GPR179: variants seen among roughly 807,000 people sequenced by gnomAD.
GPR179 encodes probable G protein-coupled receptor 179.
In GPR179, 52 loss-of-function variants were observed where a neutral mutation model predicts 70.8. The observed-to-expected ratio is 0.73, with a 90% CI of 0.59 to 0.93. The LOEUF is 0.93. Among genes scored for constraint, GPR179 ranks in the 40% least tolerant of loss-of-function variants. The probability of loss-of-function intolerance (pLI) is 0.00; values close to 1 mark genes in which losing one functional copy is unlikely to be tolerated. For synonymous variants in GPR179, 1,123 were observed against 1,169.0 expected (o/e 0.96, Z 0.80); for missense variants, 2,734 against 2,966.8 (o/e 0.92, Z 1.82).
intron 6 of GPR179, 25 bp from the exon 7 acceptor site, chr17:38,335,296 T>C (rs768051190): frequency 1.3e-5 from 19 of 1,519,642 alleles, no homozygotes; most frequent in Non-Finnish European, 1.6e-5. Flanking sequence ...ATACACAGGG[T>C]GGATGGCAGG....
rs1402479846 is a variant in GPR179 at position 38,335,686 on chromosome 17, G to A, written c.1311C>T (p.Tyr437=). Residue 437 remains tyrosine, a synonymous_variant, in exon 6 of 11, where the codon TAC becomes TAT. Transcript: ENST00000616987. ...TGCAGCGGAATACACTGGGCTTGAAGTATAGGATGAAGACCTGGTGGGAAG... is the reference window on the plus strand; with the variant it reads ...TGCAGCGGAATACACTGGGCTTGAAATATAGGATGAAGACCTGGTGGGAAG... ...LLLYFPVFIL[Y]FKPSVFRCIA... 2 of 1,613,436 alleles carry A rather than the reference G, an allele frequency of 1.2e-6. No homozygotes were observed. The highest frequency in any genetic ancestry group is 1.7e-5 in the Admixed American group (1 of 60,004).
Position 38,327,315 on chromosome 17 carries a change from A to C in GPR179, c.6254T>G (p.Leu2085Arg). 1 of 1,614,230 alleles carries C rather than the reference A, an allele frequency of 6.2e-7. No homozygotes were observed. The highest frequency in any genetic ancestry group is 8.5e-7 in the Non-Finnish European group (1 of 1,180,032). The change falls in exon 11 of 11, where the codon CTG (leucine) becomes CGG (arginine). Residue 2085 changes from leucine (L) to arginine (R), a missense_variant. Physicochemically the swap from Leu to Arg is moderately radical, Grantham distance 102. Transcript: ENST00000616987. ...AGCATCTGGGGCTGGCTGTGGGGAC[A>C]GACCCTTGCCATCTTGACTCTCCCA... ...CPWESQDGKG[L>R]SPQPAPDASD...
Position 38,343,761 on chromosome 17 carries a change from G to T in GPR179, c.29C>A (p.Pro10His). ...GCAGCCCAGCAGCCCCCACATAGGA[G>T]GGGGCATGACCGCTCCCCTGGTGCC... MGTRGAVMPPPMWGLLGCCF... is the reference protein window; with the variant it reads MGTRGAVMPHPMWGLLGCCF... The change falls in exon 1 of 11, where the codon CCT (proline) becomes CAT (histidine). Residue 10 changes from proline (P) to histidine (H), a missense_variant. By Grantham distance (77) the Pro-to-His change is moderately conservative. Transcript: ENST00000616987. The surrounding 1 kb of genome is among the most constrained non-coding windows in gnomAD (Gnocchi z 4.2). The T allele has an allele frequency of 1.3e-6, 2 of 1,536,874 alleles. No homozygotes were observed. The highest frequency in any genetic ancestry group is 1.8e-6 in the Non-Finnish European group (2 of 1,141,982).
Position 38,329,099 on chromosome 17 carries a change from C to T in GPR179, c.4470G>A (p.Gln1490=). ...PWELDDNVMG[Q]EMLSLGTGRE... ...TACCTGTCCCCAGACTCAGCATTTCCTGCCCCATCACGTTATCATCCAGCT... is the reference window on the plus strand; with the variant it reads ...TACCTGTCCCCAGACTCAGCATTTCTTGCCCCATCACGTTATCATCCAGCT... The change falls in exon 11 of 11, where the codon CAG becomes CAA. Residue 1490 remains glutamine, a synonymous_variant. Coordinates refer to ENST00000616987, the MANE Select transcript of GPR179 (RefSeq NM_001004334.4). The T allele has an allele frequency of 6.2e-7, 1 of 1,612,686 alleles. No homozygotes were observed. The highest frequency in any genetic ancestry group is 2.2e-5 in the East Asian group (1 of 44,732).
Position 38,328,121 on chromosome 17 carries a change from C to G in GPR179, c.5448G>C (p.Lys1816Asn), listed in dbSNP as rs369946547. The change falls in exon 11 of 11, where the codon AAG (lysine) becomes AAC (asparagine). Residue 1816 changes from lysine (K) to asparagine (N), a missense_variant. Transcript: ENST00000616987. ...CTTCACTTACCTCCCAGGGACAGAT[C>G]TTGGCTTTTTCACTGGTAGCAGCTT... ...AQEAATSEKA[K>N]ICPWEVSEGT... 3.7e-5 allele frequency: 60 copies of G among 1,607,740 alleles called. No individual in the cohort carries two copies. The African/African-American group carries it at 5.8e-4, about 15-fold the overall frequency.
chr17:38,338,690 C>G (rs2037426279), intron 2 of GPR179, among the ~76,000 whole-genome samples: 1 of 152,252 alleles, frequency 6.6e-6, no homozygotes, highest in Non-Finnish European at 1.5e-5. Flanking sequence ...AATATGCCCA[C>G]CAGCCCCAGC....
intron 1 of GPR179, among the ~76,000 whole-genome samples, chr17:38,340,566 G>A (rs2037440831): frequency 1.3e-5 from 2 of 151,916 alleles, no homozygotes; most frequent in African/African-American, 4.8e-5. Flanking sequence ...ATATGTGTAA[G>A]CCACTGAGCC....
Position 38,328,785 on chromosome 17 carries a change from C to T in GPR179, c.4784G>A (p.Trp1595Ter). The part of the protein sequence containing the change: ...ATPAKTEICP[W>*]EVNERTREEW... Reference sequence around the variant, plus strand: ...CTCTCTTGTTCTTTCATTTACCTCCCAGGGACAGATTTCTGTTTTGGCAGG... The same window carrying T: ...CTCTCTTGTTCTTTCATTTACCTCCTAGGGACAGATTTCTGTTTTGGCAGG... The change falls in exon 11 of 11, where the codon TGG (tryptophan) becomes TAG (stop). Residue 1595 changes from tryptophan to a stop codon, truncating the protein, a stop_gained. Coordinates refer to ENST00000616987, the MANE Select transcript of GPR179 (RefSeq NM_001004334.4). LOFTEE classifies it low-confidence loss of function (END_TRUNC). 6.2e-7 allele frequency: 1 copy of T among 1,614,206 alleles called. No homozygotes were observed. The highest frequency in any genetic ancestry group is 8.5e-7 in the Non-Finnish European group (1 of 1,180,038).
Position 38,324,632 on chromosome 17 carries a change from A to G in GPR179, c.*1833T>C, listed in dbSNP as rs1265060574. ...CCCACCCCATGGTTTATTTCACAAG[A>G]GTGTGTTTGGCGGCAACTTTGCTGT... On this transcript the variant is annotated 3_prime_UTR_variant, in exon 11 of 11. Transcript: ENST00000616987. 1.4e-5 allele frequency among the ~76,000 whole-genome samples: 2 copies of G among 138,074 alleles called. No individual in the cohort carries two copies. The highest frequency in any genetic ancestry group is 1.5e-4 in the Admixed American group (2 of 13,352). 90.6% of individuals were successfully genotyped at this position (138,074 alleles called of 152,430 possible).
At position 38,343,149 on chromosome 17, in the gene GPR179, C is replaced by T. The variant is rs753691155; in HGVS notation, c.641G>A (p.Trp214Ter). 6.2e-7 allele frequency: 1 copy of T among 1,614,146 alleles called. No homozygotes were observed. ...NDLGSLGSPK[W>*]PQADGYVGDT... ...CCCCACATATCCATCTGCCTGCGGC[C>T]ACTTGGGGCTGCCGAGGCTCCCTAG... is the stretch of plus-strand genomic sequence containing the variant. The change falls in exon 1 of 11, where the codon TGG (tryptophan) becomes TAG (stop). Residue 214 changes from tryptophan (W) to a stop codon, truncating the protein, a stop_gained. Transcript: ENST00000616987. LOFTEE classifies it high-confidence loss of function. This position sits in a 1 kb window ranked among gnomAD's most constrained non-coding sequence, Gnocchi z 4.2.
intron 1 of GPR179, among the ~76,000 whole-genome samples, chr17:38,342,304 C>T (rs2037455352): frequency 6.6e-6 from 1 of 151,346 alleles, no homozygotes; most frequent in African/African-American, 2.4e-5. Flanking sequence ...GCCTGGGGGC[C>T]AAGACCTCTG....
rs561955741 is a variant in GPR179 at position 38,327,269 on chromosome 17, A to C, written c.6300T>G (p.Ser2100Arg). ...APDASDRSRG[S>R]SEAAGSVETR... is the part of the protein sequence containing the mutation. ...TCTCCACACTGCCTGCTGCCTCAGAACTGCCTCTGCTTCTGTCAGAAGCAT... is the reference window on the plus strand; with the variant it reads ...TCTCCACACTGCCTGCTGCCTCAGACCTGCCTCTGCTTCTGTCAGAAGCAT... Residue 2100 changes from serine to arginine, a missense_variant, in exon 11 of 11, where the codon AGT becomes AGG. Transcript: ENST00000616987. 1.9e-6 allele frequency: 3 copies of C among 1,614,206 alleles called. No individual in the cohort carries two copies. The African/African-American group carries it at 4.0e-5, about 22-fold the overall frequency.
chr17:38,328,406 A>G lies in GPR179; in HGVS notation c.5163T>C (p.Ala1721=). 1 of 1,612,404 alleles carries G rather than the reference A, an allele frequency of 6.2e-7. No individual in the cohort carries two copies. The highest frequency in any genetic ancestry group is 8.5e-7 in the Non-Finnish European group (1 of 1,179,590). Residue 1721 remains alanine (A), a synonymous_variant, in exon 11 of 11, where the codon GCT becomes GCC. Coordinates refer to ENST00000616987, the MANE Select transcript of GPR179 (RefSeq NM_001004334.4). The stretch of plus-strand genomic sequence containing the variant: ...CATTTGGAGATTTCCTAATGGCCTC[A>G]GCTCCCAAAGCCCTTTCCTCCCCTG... ...AGAGEERALG[A]EAIRKSPNDT...
At position 38,333,336 on chromosome 17, in the gene GPR179, A is replaced by G; in HGVS notation, c.1952T>C (p.Leu651Pro). ...GTAGGAGCCTGAGTGCTGCAGGTCC[A>G]GCTCGTCCTCACACACCTCATCCAC... The part of the protein sequence containing the change: ...EMVDEVCEDE[L>P]DLQHSGSYLG... The change falls in exon 10 of 11, where the codon CTG becomes CCG. Residue 651 changes from leucine (L) to proline (P), a missense_variant. By Grantham distance (98) the Leu-to-Pro change is moderately conservative. Coordinates refer to ENST00000616987, the MANE Select transcript of GPR179 (RefSeq NM_001004334.4). The G allele has an allele frequency of 1.2e-6, 2 of 1,614,068 alleles. No homozygotes were observed. The highest frequency in any genetic ancestry group is 1.7e-6 in the Non-Finnish European group (2 of 1,179,978).
At chr17:38,333,439 C>T (rs765584757) in intron 9 of GPR179, 42 bp from the exon 10 acceptor site, 4 of 1,591,262 alleles carry the variant, frequency 2.5e-6, no homozygotes, top group Non-Finnish European at 3.4e-6. Flanking sequence ...CTCGCCCTGG[C>T]TCCTTGTCCA....
Position 38,339,272 on chromosome 17 carries a change from T to C in GPR179, c.903+145A>G. The C allele has an allele frequency of 5.1e-6, 3 of 592,006 alleles. No individual in the cohort carries two copies. In the South Asian group the frequency reaches 6.6e-5, roughly 13 times the overall value. 36.7% of individuals were successfully genotyped at this position (592,006 alleles called of 1,614,324 possible). A position where few individuals can be genotyped will look rare whatever the true frequency, so the allele number is the denominator to read the frequency against. ...CTTTTTAAAAGCCTGGTATCTCACC[T>C]CTGCCAATCACTAGGAACTCCCCTG... On this transcript the variant is annotated intron_variant, in intron 2 of 10. Coordinates refer to ENST00000616987, the MANE Select transcript of GPR179 (RefSeq NM_001004334.4).
At position 38,336,073 on chromosome 17, in the gene GPR179, C is replaced by G. The variant is rs561468961; in HGVS notation, c.1296+3G>C. On this transcript the variant is annotated splice_donor_region_variant and intron_variant, in intron 5 of 10. Coordinates refer to ENST00000616987, the MANE Select transcript of GPR179 (RefSeq NM_001004334.4). The stretch of plus-strand genomic sequence containing the variant: ...TGGGGCCAGCCTGTGGCCACAGACT[C>G]ACAGGAAAGTAAAGCAGCAGGAATC... The G allele has an allele frequency of 1.1e-5, 17 of 1,611,054 alleles. No homozygotes were observed. Among genetic ancestry groups the G allele is most frequent in the Middle Eastern group, 3.3e-4 (2 of 6,034 alleles).
Position 38,326,726 on chromosome 17 carries a change from C to T in GPR179, c.6843G>A (p.Gly2281=). 6.2e-7 allele frequency: 1 copy of T among 1,614,138 alleles called. No homozygotes were observed. The highest frequency in any genetic ancestry group is 8.5e-7 in the Non-Finnish European group (1 of 1,180,034). The change falls in exon 11 of 11, where the codon GGG becomes GGA. Residue 2281 remains glycine (G), a synonymous_variant. Transcript: ENST00000616987. ...PEKPLCLLVH[G]PLDHFFPESK... ...TTTCTGGAAAGAAGTGATCCAGAGG[C>T]CCATGGACTAAAAGGCATAGTGGTT...
At position 38,327,971 on chromosome 17, in the gene GPR179, C is replaced by G; in HGVS notation, c.5598G>C (p.Leu1866=). 6.2e-7 allele frequency: 1 copy of G among 1,614,200 alleles called. No homozygotes were observed. The highest frequency in any genetic ancestry group is 8.5e-7 in the Non-Finnish European group (1 of 1,180,034). ...GEDVSKGMAK[L]CQQQETICIW... is the part of the protein sequence containing the mutation. ...TACAAATAGTTTCCTGTTGTTGACA[C>G]AGTTTTGCCATCCCTTTTGATACGT... The change falls in exon 11 of 11, where the codon CTG becomes CTC. Residue 1866 remains leucine, a synonymous_variant. Coordinates refer to ENST00000616987, the MANE Select transcript of GPR179 (RefSeq NM_001004334.4).
Sources: gnomAD v4.1 joint callset for allele counts (sites outside exome capture counted in the v4.1 genomes callset) on GRCh38, gnomAD v4.1.1 for gene constraint, Gnocchi (gnomAD v3.1) non-coding constraint, MANE v1.5 for transcripts, NCBI Gene and HGNC (gene_info 2026-07-23, HGNC 2026-07-21) for gene names.